Variants in SKAP2 observed in about 807,000 individuals in gnomAD.
SKAP2 encodes src kinase associated phosphoprotein 2.
Under a neutral mutation model 54.9 loss-of-function variants are expected in SKAP2, and 28 were observed. The observed-to-expected ratio is 0.51, with a 90% CI of 0.38 to 0.70. The LOEUF (loss-of-function observed/expected upper bound fraction) is 0.70. SKAP2 is among the 30% of genes least tolerant of loss of function. The pLI is 0.00. For synonymous variants in SKAP2, 137 were observed against 134.3 expected, an observed-to-expected ratio of 1.02 and a Z score of -0.14; for missense variants, 356 against 424.1, an observed-to-expected ratio of 0.84 and a Z score of 1.41.
intron 4 of SKAP2, among the ~76,000 whole-genome samples, chr7:26,806,809 A>T (rs1784038793): frequency 6.6e-6 from 1 of 152,198 alleles, no homozygotes; most frequent in Non-Finnish European, 1.5e-5. Context: ...GCTCAATTCT[A>T]TGAAGACTGA....
intron 3 of SKAP2, among the ~76,000 whole-genome samples, chr7:26,844,639 AT>A (rs988867871): frequency 2.0e-5 from 3 of 152,176 alleles, no homozygotes; most frequent in African/African-American, 4.8e-5. Flanking sequence ...CATTTTATAC[AT>A]TTTTATACAT....
chr7:26,686,449 A>G (rs1786642212), intron 10 of SKAP2, among the ~76,000 whole-genome samples: 1 of 152,194 alleles, frequency 6.6e-6, no homozygotes, highest in South Asian at 2.1e-4. Flanking sequence ...GATGTACACA[A>G]GGTTGGGAAT....
intron 4 of SKAP2, among the ~76,000 whole-genome samples, chr7:26,757,290 G>A (rs996769459): frequency 1.1e-4 from 17 of 152,228 alleles, no homozygotes; most frequent in Middle Eastern, 3.4e-3. Flanking sequence ...TTCTTCTAGG[G>A]TTTTTATGGT....
chr7:26,780,465 A>T (rs1783403682), intron 4 of SKAP2, among the ~76,000 whole-genome samples: 1 of 152,080 alleles, frequency 6.6e-6, no homozygotes, highest in South Asian at 2.1e-4. Flanking sequence ...TTCTGTTACA[A>T]CTACTTACTT....
intron 4 of SKAP2, among the ~76,000 whole-genome samples, chr7:26,751,864 C>T (rs1782691708): frequency 1.5e-5 from 2 of 132,496 alleles, no homozygotes; most frequent in African/African-American, 5.8e-5. Context: ...CAGGAGCTAT[C>T]AGTGTGTATA....
At chr7:26,658,837 C>A in the SKAP2 span, among the ~76,000 whole-genome samples, 4 of 147,716 alleles carry the variant, frequency 2.7e-5, no homozygotes, top group Admixed American at 6.8e-5. Context: ...CCCACCCCCC[C>A]ACCAACTCCA....
intron 6 of SKAP2, among the ~76,000 whole-genome samples, chr7:26,731,125 A>C (rs918699384): frequency 6.6e-6 from 1 of 152,212 alleles, no homozygotes; most frequent in African/African-American, 2.4e-5. Context: ...GTTTTCTAAA[A>C]AGGTGTTTCT....
intron 4 of SKAP2, among the ~76,000 whole-genome samples, chr7:26,756,423 T>C (rs554507140): frequency 2.1e-4 from 32 of 152,128 alleles, no homozygotes; most frequent in Non-Finnish European, 3.2e-4. Flanking sequence ...TGAGAACATG[T>C]GGTGTTTGGT....
chr7:26,748,265 A>G (rs1782601918), intron 4 of SKAP2, among the ~76,000 whole-genome samples: 1 of 152,158 alleles, frequency 6.6e-6, no homozygotes, highest in East Asian at 1.9e-4. Context: ...AAAATATATT[A>G]AACTTGTTCC....
the SKAP2 span, among the ~76,000 whole-genome samples, chr7:26,658,764 G>A: frequency 1.3e-5 from 2 of 152,070 alleles, no homozygotes; most frequent in Non-Finnish European, 2.9e-5. Flanking sequence ...ACAACAGCTA[G>A]CAAGAAAGTG....
At chr7:26,783,574 T>A (rs1783471432) in intron 4 of SKAP2, among the ~76,000 whole-genome samples, 1 of 152,190 alleles carries the variant, frequency 6.6e-6, no homozygotes, top group Non-Finnish European at 1.5e-5. Context: ...GATGCCTCCC[T>A]CTGGATTGGA....
intron 10 of SKAP2, among the ~76,000 whole-genome samples, chr7:26,686,126 A>T (rs1310986785): frequency 6.6e-6 from 1 of 152,164 alleles, no homozygotes; most frequent in Admixed American, 6.6e-5. Flanking sequence ...TTACTAGAAA[A>T]TTTTAAAATT....
intron 3 of SKAP2, among the ~76,000 whole-genome samples, chr7:26,851,730 A>G (rs961232509): frequency 6.6e-6 from 1 of 151,924 alleles, no homozygotes; most frequent in Non-Finnish European, 1.5e-5. Context: ...AAAAAAAAAA[A>G]AAAAAGAAAT....
intron 4 of SKAP2, among the ~76,000 whole-genome samples, chr7:26,806,316 G>C (rs1162587669): frequency 1.3e-5 from 2 of 152,120 alleles, no homozygotes; most frequent in African/African-American, 4.8e-5. Context: ...ACTTTGGGAG[G>C]CCAAAGTGGG....
intron 4 of SKAP2, among the ~76,000 whole-genome samples, chr7:26,762,029 T>G (rs1206501445): frequency 1.3e-5 from 2 of 152,102 alleles, no homozygotes; most frequent in African/African-American, 4.8e-5. Context: ...TAAAAATAAC[T>G]TACAGGCCAC....
intron 9 of SKAP2, among the ~76,000 whole-genome samples, chr7:26,692,806 G>A (rs1386983144): frequency 1.3e-5 from 2 of 152,086 alleles, no homozygotes; most frequent in Admixed American, 6.6e-5. Flanking sequence ...TAGAAGGAAC[G>A]TTTACAGTCA....
chr7:26,841,683 T>G (rs3801814), intron 4 of SKAP2, among the ~76,000 whole-genome samples: 32,222 of 151,702 alleles, frequency 0.21, 3,473 homozygotes, highest in Non-Finnish European at 0.24. Context: ...TAGAGAAAAA[T>G]AAATATTAAA....
At chr7:26,707,607 C>A (rs1787192339) in intron 9 of SKAP2, among the ~76,000 whole-genome samples, 1 of 152,180 alleles carries the variant, frequency 6.6e-6, no homozygotes, top group Non-Finnish European at 1.5e-5. Flanking sequence ...ACCTGTCCTT[C>A]CCCACTTGCT....
At chr7:26,675,279 C>T (rs916790041) in intron 11 of SKAP2, among the ~76,000 whole-genome samples, 11 of 152,112 alleles carry the variant, frequency 7.2e-5, no homozygotes, top group Non-Finnish European at 1.6e-4. Context: ...TACAACCTGC[C>T]GCACTACACT....
Sources: allele counts gnomAD v4.1 joint callset (sites outside exome capture counted in the v4.1 genomes callset), GRCh38; gene constraint gnomAD v4.1.1; transcripts MANE v1.5; gene names NCBI Gene and HGNC (gene_info 2026-07-23, HGNC 2026-07-21).